The following LUZP2 variants were observed in gnomAD, a reference collection of about 807,000 sequenced individuals.
The protein encoded by LUZP2 is leucine zipper protein 2.
A neutral mutation model predicts 51.6 loss-of-function variants in LUZP2; 52 were observed. The observed-to-expected ratio is 1.01, with a 90% confidence interval of 0.81 to 1.27. LUZP2 has a LOEUF of 1.27. LUZP2 is among the 50% of genes most tolerant of loss of function. LUZP2 has a pLI of 0.00. For missense variants in LUZP2, 436 were observed against 395.4 expected (o/e 1.10, Z -0.87); for synonymous variants, 154 against 137.3 (o/e 1.12, Z -0.85).
chr11:24,988,504 TTATTA>T (rs1856247248), intron 9 of LUZP2, among the ~76,000 whole-genome samples: 1 of 152,028 alleles, frequency 6.6e-6, no homozygotes, highest in South Asian at 2.1e-4. Flanking sequence ...TCTTGTTACT[TTATTA>T]TGAGACATGT....
intron 3 of LUZP2, among the ~76,000 whole-genome samples, chr11:24,736,434 T>C (rs1223738940): frequency 6.6e-6 from 1 of 151,950 alleles, no homozygotes. Flanking sequence ...CACTCAGTGC[T>C]TGTTGAAGAT....
chr11:24,976,487 TTC>T (rs1855883572), intron 7 of LUZP2, 102 bp from the exon 8 acceptor site: 62 of 622,150 alleles, frequency 1.0e-4, no homozygotes, highest in South Asian at 3.9e-4. Context: ...TTTTTTTTTT[TTC>T]TTTTCTCTCT....
At chr11:24,621,489 C>T (rs1251099481) in intron 1 of LUZP2, among the ~76,000 whole-genome samples, 1 of 152,156 alleles carries the variant, frequency 6.6e-6, no homozygotes, top group Non-Finnish European at 1.5e-5. Flanking sequence ...CATTGAAGAG[C>T]TCATCCCATG....
Position 24,914,496 on chromosome 11 carries a change from G to C in LUZP2, c.480G>C (p.Gln160His), listed in dbSNP as rs144609238. Residue 160 changes from glutamine to histidine, a missense_variant, in exon 7 of 12, where the codon CAG (glutamine) becomes CAC (histidine). Coordinates refer to ENST00000336930, the MANE Select transcript of LUZP2 (RefSeq NM_001009909.4). ...HAEESKKIQA[Q>H]LKELRYGKKD... ...TACAGTCAAAAAAAATCCAAGCCCA[G>C]CTGAAGGAGCTTCGTTATGGGAAGA... The C allele has an allele frequency of 3.1e-6, 5 of 1,609,554 alleles. No individual in the cohort carries two copies. The East Asian group carries it at 1.1e-4, about 36-fold the overall frequency.
intron 9 of LUZP2, among the ~76,000 whole-genome samples, chr11:25,008,491 G>T (rs1216222896): frequency 1.3e-5 from 2 of 152,174 alleles, no homozygotes; most frequent in East Asian, 1.9e-4. Context: ...CAGCGAATAA[G>T]GGCCTATCAC....
intron 5 of LUZP2, among the ~76,000 whole-genome samples, chr11:24,840,589 A>T (rs1372967850): frequency 6.6e-6 from 1 of 151,926 alleles, no homozygotes; most frequent in Non-Finnish European, 1.5e-5. Flanking sequence ...TGCCCTAGAG[A>T]TTCTGATCCA....
chr11:24,774,358 CTCTCTATA>C (rs1474162343), intron 5 of LUZP2, among the ~76,000 whole-genome samples: 4 of 80,594 alleles, frequency 5.0e-5, no homozygotes, highest in Non-Finnish European at 9.5e-5. Flanking sequence ...CTCTCTCTCT[CTCTCTATA>C]TATATATATA....
chr11:24,971,733 T>C (rs1855742646), intron 7 of LUZP2, among the ~76,000 whole-genome samples: 1 of 152,142 alleles, frequency 6.6e-6, no homozygotes, highest in African/African-American at 2.4e-5. Flanking sequence ...TATTACAACA[T>C]GGGATGGTAT....
Position 25,039,425 on chromosome 11 carries a change from T to C in LUZP2, c.766-10613T>C, listed in dbSNP as rs1487659577. ...TGGTACTGGTAGGCAGGTAGGCCTG[T>C]AGGACTGATGGGCCCCAGTCCTGCA... On this transcript the variant is annotated intron_variant, in intron 9 of 11. Transcript: ENST00000336930. Among the ~76,000 whole-genome samples the C allele has an allele frequency of 3.9e-5, 6 of 152,192 alleles. No individual in the cohort carries two copies. The East Asian group carries it at 1.2e-3, about 29-fold the overall frequency.
intron 1 of LUZP2, among the ~76,000 whole-genome samples, chr11:24,614,441 T>G (rs1049382501): frequency 6.6e-6 from 1 of 152,012 alleles, no homozygotes; most frequent in Non-Finnish European, 1.5e-5. Flanking sequence ...ATCATTTCAT[T>G]TAACCCCCTA....
rs570484319 is a variant in LUZP2 at position 25,033,737 on chromosome 11, G to T, written c.766-16301G>T. On this transcript the variant is annotated intron_variant, in intron 9 of 11. Coordinates refer to ENST00000336930, the MANE Select transcript of LUZP2 (RefSeq NM_001009909.4). The stretch of plus-strand genomic sequence containing the variant: ...TATGGCCTCCAACTCCACCTATGTT[G>T]CTACAAAAGACATAACTTTATTTCT... Among the ~76,000 whole-genome samples, 4 of 152,162 alleles carry T rather than the reference G, an allele frequency of 2.6e-5. No homozygotes were observed. In the East Asian group the frequency reaches 7.7e-4, roughly 29 times the overall value.
At position 25,081,613 on chromosome 11, in the gene LUZP2, T is replaced by C. The variant is rs998186707; in HGVS notation, c.*2955T>C. 1 of 152,170 alleles carries C rather than the reference T, an allele frequency of 6.6e-6. No homozygotes were observed. The highest frequency in any genetic ancestry group is 2.4e-5 in the African/African-American group (1 of 41,452). The allele number at this position is 152,170 out of a possible 1,614,324, so 9.4% of individuals were successfully genotyped here. On this transcript the variant is annotated 3_prime_UTR_variant, in exon 12 of 12. Transcript: ENST00000336930. The stretch of plus-strand genomic sequence containing the variant: ...AAAATGTTCCTCTTACATTTGTGAA[T>C]GTGTCTATGAGAGAGGGGCCATTTC...
chr11:24,566,956 T>TA (rs780782282), intron 1 of LUZP2, among the ~76,000 whole-genome samples: 4 of 3,738 alleles, frequency 1.1e-3, no homozygotes, highest in South Asian at 0.023. Flanking sequence ...TATATATATA[T>TA]ATTTATATAT....
intron 1 of LUZP2, among the ~76,000 whole-genome samples, chr11:24,652,507 A>C (rs564423232): frequency 3.9e-5 from 6 of 152,248 alleles, no homozygotes; most frequent in African/African-American, 1.4e-4. Flanking sequence ...AGAAAAGATT[A>C]AACGTGAAAA....
chr11:24,934,498 C>A (rs1039069831), intron 7 of LUZP2, among the ~76,000 whole-genome samples: 4 of 151,990 alleles, frequency 2.6e-5, no homozygotes, highest in Admixed American at 2.0e-4. Flanking sequence ...TGGTTTATTA[C>A]TAATTTTAAG....
intron 1 of LUZP2, among the ~76,000 whole-genome samples, chr11:24,674,520 T>A (rs1411890023): frequency 6.6e-6 from 1 of 152,180 alleles, no homozygotes; most frequent in African/African-American, 2.4e-5. Flanking sequence ...AAATGGGAAG[T>A]CATGGTGATT....
In LUZP2 at chr11:24,771,392, C is replaced by T. The variant is rs552212702; in HGVS notation, c.396+8084C>T. Reference sequence around the variant, plus strand: ...AGTGTCTTATGTATATACATGGCATCGTATCTATTCATGTGATTTTTAACT... The same window carrying T: ...AGTGTCTTATGTATATACATGGCATTGTATCTATTCATGTGATTTTTAACT... On this transcript the variant is annotated intron_variant, in intron 5 of 11. Coordinates refer to ENST00000336930, the MANE Select transcript of LUZP2 (RefSeq NM_001009909.4). Among the ~76,000 whole-genome samples the T allele has an allele frequency of 1.4e-5, 2 of 148,116 alleles. 1 individual carries two copies. The highest frequency in any genetic ancestry group is 3.0e-5 in the Non-Finnish European group (2 of 66,990).
intron 1 of LUZP2, among the ~76,000 whole-genome samples, chr11:24,717,992 C>G (rs767593132): frequency 7.2e-5 from 11 of 152,138 alleles, no homozygotes; most frequent in Non-Finnish European, 1.6e-4. Flanking sequence ...TCCAATCTGT[C>G]ATAATGTAGT....
chr11:24,839,215 G>A (rs79990495), intron 5 of LUZP2, among the ~76,000 whole-genome samples: 1,606 of 151,594 alleles, frequency 0.011, 32 homozygotes, highest in African/African-American at 0.037. Flanking sequence ...GTCTAGGAAT[G>A]ATTCTCCAGG....
Sources: gnomAD v4.1 joint callset for allele counts (sites outside exome capture counted in the v4.1 genomes callset) on GRCh38, gnomAD v4.1.1 for gene constraint, MANE v1.5 for transcripts, NCBI Gene and HGNC (gene_info 2026-07-23, HGNC 2026-07-21) for gene names.